The following DLGAP2 variants were observed in gnomAD, a reference collection of about 807,000 sequenced individuals.
The protein encoded by DLGAP2 is disks large-associated protein 2.
In DLGAP2, 26 loss-of-function variants were observed where a neutral mutation model predicts 100.3. The ratio of observed to expected loss-of-function variants is 0.26; its 90% CI spans 0.19 to 0.36. The LOEUF (loss-of-function observed/expected upper bound fraction) is 0.36. Ranked by LOEUF, DLGAP2 falls within the 10% of genes least tolerant of loss-of-function variation. DLGAP2 has a pLI of 1.00. For missense variants in DLGAP2, 1,858 were observed against 1,453.2 expected (o/e 1.28, Z -4.53); for synonymous variants, 886 against 630.1 (o/e 1.41, Z -6.08).
At chr8:1,662,817 G>A (rs1798439920) in intron 8 of DLGAP2, among the ~76,000 whole-genome samples, 1 of 151,890 alleles carries the variant, frequency 6.6e-6, no homozygotes, top group African/African-American at 2.4e-5. Flanking sequence ...GTGAGTGTGT[G>A]CATACATGTG....
intron 2 of DLGAP2, among the ~76,000 whole-genome samples, chr8:1,173,075 C>T (rs2116681732): frequency 6.6e-6 from 1 of 152,250 alleles, no homozygotes; most frequent in Admixed American, 6.5e-5. Flanking sequence ...GATGTCCTTT[C>T]TGTTTGTTAG....
chr8:918,303 C>T (rs1432634205), intron 2 of DLGAP2, among the ~76,000 whole-genome samples: 1 of 152,186 alleles, frequency 6.6e-6, no homozygotes. Context: ...TTGGTTTCAG[C>T]CAGTCAAGGC....
chr8:1,433,505 G>C (rs574775688), intron 3 of DLGAP2, among the ~76,000 whole-genome samples: 28 of 152,352 alleles, frequency 1.8e-4, no homozygotes, highest in South Asian at 6.2e-4. Context: ...CAAGTGTACA[G>C]ATGGTGCTGT....
At chr8:1,512,784 A>C (rs957735548) in intron 4 of DLGAP2, among the ~76,000 whole-genome samples, 7 of 152,234 alleles carry the variant, frequency 4.6e-5, no homozygotes, top group African/African-American at 1.7e-4. Flanking sequence ...TTAATTAGAC[A>C]AACTGGGTGA....
chr8:1,640,188 C>T (rs1357594383), intron 8 of DLGAP2, among the ~76,000 whole-genome samples: 4 of 152,156 alleles, frequency 2.6e-5, no homozygotes, highest in African/African-American at 9.7e-5. Flanking sequence ...TACACAAATC[C>T]TTGTCGTAAA....
intron 2 of DLGAP2, among the ~76,000 whole-genome samples, chr8:1,036,116 A>G (rs71513049): frequency 1.4e-4 from 19 of 134,794 alleles, no homozygotes; most frequent in South Asian, 2.5e-4. Context: ...CCGCGAGTGG[A>G]TTCACACGCT....
chr8:1,011,105 C>A (rs10095773), intron 2 of DLGAP2, among the ~76,000 whole-genome samples: 37 of 151,334 alleles, frequency 2.4e-4, no homozygotes, highest in Non-Finnish European at 4.6e-4. Flanking sequence ...GTACCTTAGT[C>A]TGCACAGTGA....
At position 1,671,859 on chromosome 8, in the gene DLGAP2, C is replaced by T. The variant is rs142420645; in HGVS notation, c.2202+2075C>T. Among the ~76,000 whole-genome samples the T allele has an allele frequency of 1.1e-4, 17 of 152,378 alleles. No individual in the cohort carries two copies. In the East Asian group the frequency reaches 2.5e-3, roughly 23 times the overall value. On this transcript the variant is annotated intron_variant, in intron 10 of 14. Transcript: ENST00000637795. The stretch of plus-strand genomic sequence containing the variant: ...CCAGATGCCCGTAGGAGAGAATGGG[C>T]TCCAGCCTTGGCACTCATAGGCCAG...
intron 1 of DLGAP2, among the ~76,000 whole-genome samples, chr8:889,680 GC>G (rs964750370): frequency 5.3e-5 from 8 of 152,218 alleles, no homozygotes; most frequent in African/African-American, 1.9e-4. Flanking sequence ...AGAAATGGGT[GC>G]CGGGGAGTTT....
intron 3 of DLGAP2, among the ~76,000 whole-genome samples, chr8:1,422,679 G>A (rs1184426939): frequency 1.3e-5 from 2 of 152,140 alleles, no homozygotes; most frequent in Admixed American, 1.3e-4. Flanking sequence ...CTGCCCACCA[G>A]GGGGTGGTAC....
At chr8:1,212,038 C>G (rs1585156770) in intron 2 of DLGAP2, among the ~76,000 whole-genome samples, 2 of 152,298 alleles carry the variant, frequency 1.3e-5, no homozygotes, top group Middle Eastern at 6.8e-3. Flanking sequence ...AGCGCTAAAG[C>G]CTAGAGCAGA....
At chr8:1,627,001 G>A (rs1020258797) in intron 7 of DLGAP2, 114 bp downstream of exon 7, 12 of 1,323,276 alleles carry the variant, frequency 9.1e-6, no homozygotes, top group African/African-American at 5.8e-5. Flanking sequence ...GCAGCACTTG[G>A]GCAAGGCTAC....
chr8:1,089,252 C>G (rs1804091710), intron 2 of DLGAP2, among the ~76,000 whole-genome samples: 2 of 152,264 alleles, frequency 1.3e-5, no homozygotes, highest in Non-Finnish European at 2.9e-5. Flanking sequence ...AGTAACAAAT[C>G]TCTTAGGCCT....
At chr8:843,065 A>T (rs1797011687) in intron 1 of DLGAP2, among the ~76,000 whole-genome samples, 1 of 152,142 alleles carries the variant, frequency 6.6e-6, no homozygotes, top group Non-Finnish European at 1.5e-5. Context: ...CAGGGGTGTT[A>T]TTCGGCTTTT....
chr8:1,319,738 C>G (rs1490871009), intron 3 of DLGAP2, among the ~76,000 whole-genome samples: 2 of 152,072 alleles, frequency 1.3e-5, no homozygotes, highest in Admixed American at 1.3e-4. Flanking sequence ...GGCAGGACAT[C>G]AGCAGCTTTG....
intron 1 of DLGAP2, among the ~76,000 whole-genome samples, chr8:743,045 A>G (rs1423086374): frequency 6.6e-6 from 1 of 152,128 alleles, no homozygotes; most frequent in Admixed American, 6.5e-5. Context: ...CAACTCTTTG[A>G]TTTCTCTCAA....
intron 3 of DLGAP2, among the ~76,000 whole-genome samples, chr8:1,500,393 A>G (rs370108052): frequency 1.1e-4 from 17 of 152,112 alleles, no homozygotes; most frequent in African/African-American, 3.9e-4. Flanking sequence ...CCTGAGATCC[A>G]GCTGTGTCTG....
intron 2 of DLGAP2, among the ~76,000 whole-genome samples, chr8:1,256,005 G>C (rs1317110544): frequency 7.8e-6 from 1 of 127,672 alleles, no homozygotes; most frequent in Non-Finnish European, 1.6e-5. Flanking sequence ...CTCCTGCCTG[G>C]GTGCTGTGTG....
At chr8:1,061,074 C>G (rs1803067447) in intron 2 of DLGAP2, among the ~76,000 whole-genome samples, 1 of 152,316 alleles carries the variant, frequency 6.6e-6, no homozygotes, top group East Asian at 1.9e-4. Context: ...CTGATGCACC[C>G]TACACCTTTC....
Sources: allele counts gnomAD v4.1 joint callset (sites outside exome capture counted in the v4.1 genomes callset), GRCh38; gene constraint gnomAD v4.1.1; transcripts MANE v1.5; gene names NCBI Gene and HGNC (gene_info 2026-07-23, HGNC 2026-07-21).